TOP1: variants seen among roughly 807,000 people sequenced by gnomAD.
TOP1 encodes the protein DNA topoisomerase I.
Under a neutral mutation model 111.1 loss-of-function variants are expected in TOP1, and 10 were observed. That is an observed-to-expected ratio of 0.09 (90% CI 0.06 to 0.15). TOP1 has a LOEUF of 0.15. Ranked by LOEUF, TOP1 falls within the 10% of genes least tolerant of loss-of-function variation. TOP1 has a pLI of 1.00. For missense variants in TOP1, 474 were observed against 926.7 expected, an observed-to-expected ratio of 0.51 and a Z score of 6.34; for synonymous variants, 271 against 302.9, an observed-to-expected ratio of 0.89 and a Z score of 1.10.
rs1261256037 is a variant in TOP1, at chr20:41,097,952, C to T, written c.853-263C>T. On this transcript the variant is annotated intron_variant, in intron 10 of 20. Coordinates refer to ENST00000361337, the MANE Select transcript of TOP1 (RefSeq NM_003286.4). The surrounding 1 kb of genome is among the most constrained non-coding windows in gnomAD (Gnocchi z 4.2). ...CATAATGCCTGGGGGCTGTGTGCCA[C>T]GGAGTCTAAGAAACCACATAAGAAT... is the stretch of plus-strand genomic sequence containing the variant. Among the ~76,000 whole-genome samples the T allele has an allele frequency of 6.6e-6, 1 of 152,106 alleles. No homozygotes were observed. The highest frequency in any genetic ancestry group is 1.5e-5 in the Non-Finnish European group (1 of 68,032).
Position 41,116,343 on chromosome 20 carries a change from A to G in TOP1, c.1773A>G (p.Thr591=), listed in dbSNP as rs1061982. The G allele has an allele frequency of 1.5e-5, 24 of 1,613,752 alleles. No individual in the cohort carries two copies. The highest frequency in any genetic ancestry group is 1.9e-5 in the Non-Finnish European group (23 of 1,180,058). ...GCTTGACAGCCAAGGTATTCCGTAC[A>G]TACAATGCCTCCATCACGCTACAGC... The part of the protein sequence containing the change: ...MEGLTAKVFR[T]YNASITLQQQ... The change falls in exon 17 of 21, where the codon ACA becomes ACG. Residue 591 remains threonine, a synonymous_variant. Transcript: ENST00000361337. The surrounding 1 kb of genome is among the most constrained non-coding windows in gnomAD (Gnocchi z 5.6).
At chr20:41,055,426 CAT>C (rs576918702) in intron 2 of TOP1, among the ~76,000 whole-genome samples, 3 of 152,216 alleles carry the variant, frequency 2.0e-5, no homozygotes, top group African/African-American at 4.8e-5. Flanking sequence ...TCTCCAAACA[CAT>C]GTTTTCACCA....
rs936836202 is a variant in TOP1 at position 41,101,639 on chromosome 20, A to G, written c.1308+286A>G. Among the ~76,000 whole-genome samples the G allele has an allele frequency of 1.3e-5, 2 of 152,252 alleles. No individual in the cohort carries two copies. Among genetic ancestry groups the G allele is most frequent in the African/African-American group, 4.8e-5 (2 of 41,462 alleles). ...TAGGAATTATGTTGGTAAACAAGAT[A>G]GACGTAGGCCCTGCCTTCATATTGC... On this transcript the variant is annotated intron_variant, in intron 13 of 20. Transcript: ENST00000361337. The surrounding 1 kb of genome is among the most constrained non-coding windows in gnomAD (Gnocchi z 4.1).
chr20:41,035,012 C>T (rs368261680), intron 2 of TOP1, among the ~76,000 whole-genome samples: 1 of 152,096 alleles, frequency 6.6e-6, no homozygotes, highest in Non-Finnish European at 1.5e-5. Flanking sequence ...ACCTCACCCT[C>T]CCAAGTAGCT....
In TOP1 at chr20:41,029,811, T is replaced by C; in HGVS notation, c.58+356T>C. On this transcript the variant is annotated intron_variant, in intron 2 of 20. Coordinates refer to ENST00000361337, the MANE Select transcript of TOP1 (RefSeq NM_003286.4). This position sits in a 1 kb window ranked among gnomAD's most constrained non-coding sequence, Gnocchi z 6.1. ...CTCTCTCCTCTCCTTTCTGTGCCTGTGTCTCTTTCTCTCCCTCCCTCGGCT... is the reference window on the plus strand; with the variant it reads ...CTCTCTCCTCTCCTTTCTGTGCCTGCGTCTCTTTCTCTCCCTCCCTCGGCT... The C allele has an allele frequency of 8.9e-6, 3 of 335,608 alleles. No individual in the cohort carries two copies. The South Asian group carries it at 9.7e-5, about 11-fold the overall frequency. 20.8% of individuals were successfully genotyped at this position (335,608 alleles called of 1,614,324 possible). A position where few individuals can be genotyped will look rare whatever the true frequency, so the allele number is the denominator to read the frequency against.
rs1439063692 is a variant in TOP1 at position 41,029,664 on chromosome 20, G to C, written c.58+209G>C. 1 of 652,714 alleles carries C rather than the reference G, an allele frequency of 1.5e-6. No homozygotes were observed. The highest frequency in any genetic ancestry group is 1.6e-5 in the South Asian group (1 of 62,356). 40.4% of individuals were successfully genotyped at this position (652,714 alleles called of 1,614,324 possible). On this transcript the variant is annotated intron_variant, in intron 2 of 20. Coordinates refer to ENST00000361337, the MANE Select transcript of TOP1 (RefSeq NM_003286.4). This position sits in a 1 kb window ranked among gnomAD's most constrained non-coding sequence, Gnocchi z 6.1. Reference sequence around the variant, plus strand: ...TCCAGATCCCGGCCCTCCCAAGAGGGGACAACGGAGACCCCGTGTCGTCCG... The same window carrying C: ...TCCAGATCCCGGCCCTCCCAAGAGGCGACAACGGAGACCCCGTGTCGTCCG...
chr20:41,042,780 A>G (rs913318483), intron 2 of TOP1, among the ~76,000 whole-genome samples: 10 of 152,254 alleles, frequency 6.6e-5, no homozygotes, highest in African/African-American at 2.4e-4. Context: ...TAACAGAAAC[A>G]GTCAATTAAC....
chr20:41,077,729 C>G, intron 5 of TOP1, 92 bp downstream of exon 5: 3 of 1,193,686 alleles, frequency 2.5e-6, no homozygotes, highest in Non-Finnish European at 3.7e-6. Flanking sequence ...TAACCCAAAA[C>G]CCACTGACCT....
chr20:41,110,693 A>G lies in TOP1; in HGVS notation c.1309-2089A>G, dbSNP rs980844534. 2.0e-5 allele frequency among the ~76,000 whole-genome samples: 3 copies of G among 152,242 alleles called. No individual in the cohort carries two copies. Among genetic ancestry groups the G allele is most frequent in the Admixed American group, 2.0e-4 (3 of 15,290 alleles). Reference sequence around the variant, plus strand: ...AAATTAGATTTTTACCCATTACTGAAGTGTGATTGAATTAGGGAAAGAGGA... The same window carrying G: ...AAATTAGATTTTTACCCATTACTGAGGTGTGATTGAATTAGGGAAAGAGGA... On this transcript the variant is annotated intron_variant, in intron 13 of 20. Coordinates refer to ENST00000361337, the MANE Select transcript of TOP1 (RefSeq NM_003286.4). This position sits in a 1 kb window ranked among gnomAD's most constrained non-coding sequence, Gnocchi z 4.2.
At chr20:41,062,967 T>C (rs1420033664) in intron 3 of TOP1, among the ~76,000 whole-genome samples, 1 of 152,198 alleles carries the variant, frequency 6.6e-6, no homozygotes, top group East Asian at 1.9e-4. Context: ...TTAGATTCAG[T>C]GGGTACATAT....
intron 2 of TOP1, among the ~76,000 whole-genome samples, chr20:41,031,145 G>A (rs753240875): frequency 6.6e-6 from 1 of 152,296 alleles, no homozygotes; most frequent in South Asian, 2.1e-4. Context: ...AGGGGTTGGA[G>A]TGTTTCTTAA....
Position 41,029,509 on chromosome 20 carries a change from C to T in TOP1, c.58+54C>T. 2 of 1,459,784 alleles carry T rather than the reference C, an allele frequency of 1.4e-6. No individual in the cohort carries two copies. The highest frequency in any genetic ancestry group is 1.9e-6 in the Non-Finnish European group (2 of 1,066,762). 90.4% of individuals were successfully genotyped at this position (1,459,784 alleles called of 1,614,324 possible). A position where few individuals can be genotyped will look rare whatever the true frequency, so the allele number is the denominator to read the frequency against. On this transcript the variant is annotated intron_variant, in intron 2 of 20. Coordinates refer to ENST00000361337, the MANE Select transcript of TOP1 (RefSeq NM_003286.4). This position sits in a 1 kb window ranked among gnomAD's most constrained non-coding sequence, Gnocchi z 6.1. ...GGCCCCCCAGCCGCCGGCCGCCTCC[C>T]CCGCGCCCTGCCGGTGCCGGGCAGA...
rs1368784942 is a variant in TOP1 at position 41,071,382 on chromosome 20, ATC to A, written c.156-4788_156-4787del. ...TTTTTTTGAGATGGAGCCTCAGTCTATCGCCAGGCTGGAGTGCAGTGGCGTGA... is the reference window on the plus strand; with the variant it reads ...TTTTTTTGAGATGGAGCCTCAGTCTAGCCAGGCTGGAGTGCAGTGGCGTGA... On this transcript the variant is annotated intron_variant, in intron 3 of 20. Coordinates refer to ENST00000361337, the MANE Select transcript of TOP1 (RefSeq NM_003286.4). The surrounding 1 kb of genome is among the most constrained non-coding windows in gnomAD (Gnocchi z 4.3). Among the ~76,000 whole-genome samples, 2 of 151,040 alleles carry A rather than the reference ATC, an allele frequency of 1.3e-5. No homozygotes were observed. Among genetic ancestry groups the A allele is most frequent in the Non-Finnish European group, 2.9e-5 (2 of 67,896 alleles).
Position 41,122,391 on chromosome 20 carries a change from A to G in TOP1, c.2195+236A>G, listed in dbSNP as rs1273384976. Among the ~76,000 whole-genome samples, 1 of 152,206 alleles carries G rather than the reference A, an allele frequency of 6.6e-6. No homozygotes were observed. Among genetic ancestry groups the G allele is most frequent in the Non-Finnish European group, 1.5e-5 (1 of 68,028 alleles). ...GTGCTGTTACACTGCCTTGTAGTGTATATTTTTAAGAGGCAGGTGCCATCC... is the reference window on the plus strand; with the variant it reads ...GTGCTGTTACACTGCCTTGTAGTGTGTATTTTTAAGAGGCAGGTGCCATCC... On this transcript the variant is annotated intron_variant, in intron 20 of 20. Coordinates refer to ENST00000361337, the MANE Select transcript of TOP1 (RefSeq NM_003286.4). This position sits in a 1 kb window ranked among gnomAD's most constrained non-coding sequence, Gnocchi z 5.4.
chr20:41,097,407 A>T lies in TOP1; in HGVS notation c.852+66A>T. On this transcript the variant is annotated intron_variant, in intron 10 of 20. Coordinates refer to ENST00000361337, the MANE Select transcript of TOP1 (RefSeq NM_003286.4). This position sits in a 1 kb window ranked among gnomAD's most constrained non-coding sequence, Gnocchi z 4.2. ...ACAATCAAGTACTAAGTAATAAATTATCATTTTGCAAAACATTTCCTGATG... is the reference window on the plus strand; with the variant it reads ...ACAATCAAGTACTAAGTAATAAATTTTCATTTTGCAAAACATTTCCTGATG... The T allele has an allele frequency of 6.9e-7, 1 of 1,444,410 alleles. No homozygotes were observed. Among genetic ancestry groups the T allele is most frequent in the Non-Finnish European group, 9.3e-7 (1 of 1,075,146 alleles). 89.5% of individuals were successfully genotyped at this position (1,444,410 alleles called of 1,614,324 possible).
chr20:41,066,253 TA>T (rs147532568), intron 3 of TOP1, among the ~76,000 whole-genome samples: 2,911 of 142,942 alleles, frequency 0.02, 33 homozygotes, highest in Non-Finnish European at 0.028. Context: ...AATCTTCTCT[TA>T]AAAAAAAAAA....
chr20:41,098,545 A>G lies in TOP1; in HGVS notation c.975+208A>G. The G allele has an allele frequency of 2.0e-6, 1 of 500,002 alleles. No homozygotes were observed. The allele number at this position is 500,002 out of a possible 1,614,324, so 31.0% of individuals were successfully genotyped here. A position where few individuals can be genotyped will look rare whatever the true frequency, so the allele number is the denominator to read the frequency against. The stretch of plus-strand genomic sequence containing the variant: ...CAAGTACTTTGCTCAGTAGCTCTGT[A>G]CAGGAATCTTGGTGCTTCAGTGACC... On this transcript the variant is annotated intron_variant, in intron 11 of 20. Transcript: ENST00000361337. This position sits in a 1 kb window ranked among gnomAD's most constrained non-coding sequence, Gnocchi z 5.7.
At chr20:41,087,825 C>T (rs966566652) in intron 8 of TOP1, among the ~76,000 whole-genome samples, 1 of 152,156 alleles carries the variant, frequency 6.6e-6, no homozygotes, top group Non-Finnish European at 1.5e-5. Context: ...AGCACTTTTC[C>T]ACCTTTCCCC....
In TOP1 at chr20:41,091,552, CT is replaced by C. The variant is rs532948716; in HGVS notation, c.615-898del. 8.6e-4 allele frequency among the ~76,000 whole-genome samples: 83 copies of C among 96,204 alleles called. 1 individual carries two copies. The highest frequency in any genetic ancestry group is 0.013 in the Middle Eastern group (2 of 158). The allele number at this position is 96,204 out of a possible 152,430, so 63.1% of individuals were successfully genotyped here. A position where few individuals can be genotyped will look rare whatever the true frequency, so the allele number is the denominator to read the frequency against. On this transcript the variant is annotated intron_variant, in intron 8 of 20. Transcript: ENST00000361337. ...ATAGGAAATGTAGCAAATTATTAAC[CT>C]TTTTTTTTTTTTTTTTTTTTTGAGA...
Sources: allele counts gnomAD v4.1 joint callset (sites outside exome capture counted in the v4.1 genomes callset), GRCh38; gene constraint gnomAD v4.1.1; non-coding constraint Gnocchi (gnomAD v3.1); transcripts MANE v1.5; gene names NCBI Gene and HGNC (gene_info 2026-07-23, HGNC 2026-07-21).